SORCS3: variants seen among roughly 807,000 people sequenced by gnomAD.
SORCS3 encodes sortilin related VPS10 domain containing receptor 3.
In SORCS3, 57 loss-of-function variants were observed where a neutral mutation model predicts 146.3. The ratio of observed to expected loss-of-function variants is 0.39; its 90% CI spans 0.31 to 0.49. The LOEUF is 0.49. Among genes scored for constraint, SORCS3 ranks in the 20% least tolerant of loss-of-function variants. The probability of loss-of-function intolerance (pLI) is 0.92; values close to 1 mark genes in which losing one functional copy is unlikely to be tolerated. For missense variants in SORCS3, 1,341 were observed against 1,575.5 expected (o/e 0.85, Z 2.52); for synonymous variants, 653 against 618.5 (o/e 1.06, Z -0.83).
intron 1 of SORCS3, among the ~76,000 whole-genome samples, chr10:104,817,835 T>C (rs1303259453): frequency 6.6e-6 from 1 of 151,338 alleles, no homozygotes; most frequent in Non-Finnish European, 1.5e-5. Flanking sequence ...AGTACAGAGC[T>C]AAGATTTGAA....
intron 1 of SORCS3, among the ~76,000 whole-genome samples, chr10:104,806,075 TG>T (rs1215505699): frequency 1.3e-5 from 2 of 152,212 alleles, no homozygotes; most frequent in Non-Finnish European, 2.9e-5. Context: ...TTTTACTTTC[TG>T]TAAAGTAAGC....
At chr10:105,230,886 C>T (rs2119689289) in intron 20 of SORCS3, among the ~76,000 whole-genome samples, 1 of 152,276 alleles carries the variant, frequency 6.6e-6, no homozygotes, top group East Asian at 1.9e-4. Flanking sequence ...TCAGTGTGAG[C>T]TCCCTCTCTG....
chr10:104,972,361 A>G lies in SORCS3; in HGVS notation c.796-4974A>G, dbSNP rs138373244. On this transcript the variant is annotated intron_variant, in intron 3 of 26. Transcript: ENST00000369701. ...GATGCCAAAGACTTTTCATTACAAT[A>G]TTTCTGTCCACTTGACTGGAAGATG... 7.0e-3 allele frequency among the ~76,000 whole-genome samples: 1,068 copies of G among 152,282 alleles called. 15 individuals are homozygous for G. The highest frequency in any genetic ancestry group is 0.024 in the African/African-American group (1,007 of 41,562).
At chr10:105,118,390 A>T (rs954234928) in intron 7 of SORCS3, among the ~76,000 whole-genome samples, 3 of 152,188 alleles carry the variant, frequency 2.0e-5, no homozygotes, top group African/African-American at 7.2e-5. Context: ...GAGTCAATTA[A>T]ACCTCTTTTC....
intron 1 of SORCS3, among the ~76,000 whole-genome samples, chr10:104,839,120 G>T (rs112362344): frequency 1.8e-3 from 281 of 152,258 alleles, no homozygotes; most frequent in Non-Finnish European, 3.0e-3. Context: ...AGCGATTATT[G>T]TATAAGAACC....
intron 1 of SORCS3, among the ~76,000 whole-genome samples, chr10:104,686,658 G>A (rs1283082197): frequency 6.6e-6 from 1 of 152,094 alleles, no homozygotes; most frequent in Middle Eastern, 3.4e-3. Context: ...TTCTCCTTAT[G>A]CATTCCTATC....
intron 3 of SORCS3, among the ~76,000 whole-genome samples, chr10:104,932,838 G>A (rs145444570): frequency 8.1e-4 from 123 of 152,174 alleles, no homozygotes; most frequent in African/African-American, 2.3e-3. Context: ...GACTACAGGT[G>A]CACTTACCAC....
intron 5 of SORCS3, among the ~76,000 whole-genome samples, chr10:105,072,855 G>A (rs983622088): frequency 6.6e-6 from 1 of 152,030 alleles, no homozygotes; most frequent in African/African-American, 2.4e-5. Context: ...CCCTTGGGAA[G>A]ACCACAAACA....
intron 1 of SORCS3, among the ~76,000 whole-genome samples, chr10:104,699,167 C>T (rs1055431587): frequency 1.3e-5 from 2 of 152,112 alleles, no homozygotes; most frequent in Non-Finnish European, 2.9e-5. Context: ...GGATAAAAGC[C>T]TGGACCACCA....
At chr10:105,101,818 ACTGG>A (rs1202038488) in intron 6 of SORCS3, among the ~76,000 whole-genome samples, 4 of 152,224 alleles carry the variant, frequency 2.6e-5, no homozygotes, top group African/African-American at 9.6e-5. Flanking sequence ...TTTCTGAGAC[ACTGG>A]CTGGTAAGAA....
intron 14 of SORCS3, among the ~76,000 whole-genome samples, chr10:105,193,582 A>T (rs916381390): frequency 6.6e-6 from 1 of 152,146 alleles, no homozygotes; most frequent in African/African-American, 2.4e-5. Context: ...ACTCTTAGAA[A>T]TGGTCTCAAA....
intron 15 of SORCS3, 101 bp from the exon 16 acceptor site, chr10:105,201,019 C>T (rs2056571328): frequency 3.1e-6 from 4 of 1,304,750 alleles, no homozygotes; most frequent in South Asian, 2.8e-5. Context: ...ACATAAAGTA[C>T]CTAAATGAGA....
chr10:104,657,500 G>A (rs940440163), intron 1 of SORCS3, among the ~76,000 whole-genome samples: 4 of 152,198 alleles, frequency 2.6e-5, no homozygotes, highest in Non-Finnish European at 4.4e-5. Context: ...CTCAGGGATG[G>A]ACTTAGGAGT....
intron 4 of SORCS3, among the ~76,000 whole-genome samples, chr10:104,992,361 A>G (rs902916151): frequency 2.0e-5 from 3 of 151,966 alleles, no homozygotes; most frequent in Non-Finnish European, 4.4e-5. Context: ...TCAGATGGAA[A>G]CTCGTATTTT....
intron 4 of SORCS3, among the ~76,000 whole-genome samples, chr10:105,026,073 C>T (rs943674637): frequency 6.6e-6 from 1 of 152,086 alleles, no homozygotes; most frequent in Admixed American, 6.6e-5. Context: ...ATCCCGGATG[C>T]GATCAGTTCT....
At chr10:104,763,020 T>C (rs1007180193) in intron 1 of SORCS3, among the ~76,000 whole-genome samples, 1 of 152,050 alleles carries the variant, frequency 6.6e-6, no homozygotes, top group Non-Finnish European at 1.5e-5. Flanking sequence ...TCCAGTTGAG[T>C]GTGATGTACA....
intron 1 of SORCS3, among the ~76,000 whole-genome samples, chr10:104,692,624 C>T (rs980984837): frequency 1.3e-5 from 2 of 152,166 alleles, no homozygotes; most frequent in South Asian, 2.1e-4. Context: ...AAACATTTCT[C>T]CAAGGATCAC....
chr10:104,675,127 T>A (rs1441624663), intron 1 of SORCS3, among the ~76,000 whole-genome samples: 1 of 152,008 alleles, frequency 6.6e-6, no homozygotes, highest in African/African-American at 2.4e-5. Context: ...CAATGCCTAA[T>A]TTTTTTTAAC....
At chr10:104,662,579 C>G (rs1324775178) in intron 1 of SORCS3, among the ~76,000 whole-genome samples, 1 of 152,212 alleles carries the variant, frequency 6.6e-6, no homozygotes, top group African/African-American at 2.4e-5. Flanking sequence ...GGAAGCAAGG[C>G]CTCAGCAATG....
Sources: allele counts gnomAD v4.1 joint callset (sites outside exome capture counted in the v4.1 genomes callset), GRCh38; gene constraint gnomAD v4.1.1; transcripts MANE v1.5; gene names NCBI Gene and HGNC (gene_info 2026-07-23, HGNC 2026-07-21).